The following CDC14B variants were observed in gnomAD, a reference collection of about 807,000 sequenced individuals.
The protein encoded by CDC14B is dual specificity protein phosphatase CDC14B.
In CDC14B, 22 loss-of-function variants were observed where a neutral mutation model predicts 64.2. The observed-to-expected ratio is 0.34, with a 90% confidence interval of 0.24 to 0.49. The LOEUF is 0.49. CDC14B is among the 20% of genes least tolerant of loss of function. The pLI is 0.99. For missense variants in CDC14B, 498 were observed against 629.9 expected (o/e 0.79, Z 2.24); for synonymous variants, 191 against 215.8 (o/e 0.89, Z 1.01).
At chr9:96,542,376 T>C (rs1840184496) in intron 5 of CDC14B, among the ~76,000 whole-genome samples, 1 of 152,226 alleles carries the variant, frequency 6.6e-6, no homozygotes, top group Non-Finnish European at 1.5e-5. Flanking sequence ...CAACCAAGTA[T>C]GACAGAAATA....
intron 7 of CDC14B, among the ~76,000 whole-genome samples, chr9:96,536,478 A>C (rs569807369): frequency 1.3e-5 from 2 of 152,302 alleles, no homozygotes; most frequent in Admixed American, 1.3e-4. Context: ...ATATTCTGTA[A>C]GTTTAAGGTG....
intron 1 of CDC14B, among the ~76,000 whole-genome samples, chr9:96,601,308 C>T (rs1233433235): frequency 1.3e-5 from 2 of 151,996 alleles, no homozygotes; most frequent in African/African-American, 4.8e-5. Flanking sequence ...ACCATCCTGG[C>T]CAACATGGTG....
At position 96,541,863 on chromosome 9, in the gene CDC14B, T is replaced by C. The variant is rs1840107415; in HGVS notation, c.527A>G (p.Tyr176Cys). 3.7e-6 allele frequency: 6 copies of C among 1,609,810 alleles called. No individual in the cohort carries two copies. The highest frequency in any genetic ancestry group is 2.7e-5 in the African/African-American group (2 of 74,882). The change falls in exon 6 of 14, where the codon TAC becomes TGC. Residue 176 changes from tyrosine to cysteine, a missense_variant. Physicochemically the swap from Tyr to Cys is radical, Grantham distance 194. Transcript: ENST00000375241. ...ATGAAAACAGTCAAGAAGTGTAATG[T>C]AGAAATTGCAACTTCCATAGGCAGC... ...RDAAYGSCNF[Y>C]ITLLDCFHAV...
At chr9:96,603,047 T>C (rs780037175) in intron 1 of CDC14B, among the ~76,000 whole-genome samples, 1 of 151,894 alleles carries the variant, frequency 6.6e-6, no homozygotes, top group Non-Finnish European at 1.5e-5. Context: ...AGATCTTCCA[T>C]CTCCCTTTGT....
chr9:96,505,450 AC>A (rs1461822419), intron 13 of CDC14B, among the ~76,000 whole-genome samples: 2 of 152,202 alleles, frequency 1.3e-5, no homozygotes, highest in Non-Finnish European at 2.9e-5. Flanking sequence ...ACAAACACGC[AC>A]CAGCGGAAGG....
intron 9 of CDC14B, among the ~76,000 whole-genome samples, chr9:96,532,584 C>A (rs544155200): frequency 6.6e-6 from 1 of 152,114 alleles, no homozygotes; most frequent in African/African-American, 2.4e-5. Context: ...GGAACTCCCA[C>A]GATCTGTATC....
chr9:96,534,647 G>A (rs901010771), intron 7 of CDC14B, 105 bp from the exon 8 acceptor site: 45 of 717,822 alleles, frequency 6.3e-5, no homozygotes, highest in Admixed American at 5.6e-4. Context: ...TTGCTTTAGC[G>A]GAAAAGCTGT....
In CDC14B at chr9:96,522,226, T is replaced by C. The variant is rs532394285; in HGVS notation, c.1343+280A>G. On this transcript the variant is annotated intron_variant, in intron 12 of 13. Coordinates refer to ENST00000375241, the MANE Select transcript of CDC14B (RefSeq NM_033331.4). ...CTGGCATCCTGGGCTTTACATCTGCTGTCGCGCTCCTGAGGATGCCCCATG... is the reference window on the plus strand; with the variant it reads ...CTGGCATCCTGGGCTTTACATCTGCCGTCGCGCTCCTGAGGATGCCCCATG... Among the ~76,000 whole-genome samples, 21 of 152,336 alleles carry C rather than the reference T, an allele frequency of 1.4e-4. No homozygotes were observed. The East Asian group carries it at 2.9e-3, about 21-fold the overall frequency.
chr9:96,581,807 T>C (rs1845175781), intron 1 of CDC14B, among the ~76,000 whole-genome samples: 1 of 152,140 alleles, frequency 6.6e-6, no homozygotes, highest in African/African-American at 2.4e-5. Context: ...TTCAGTGTGG[T>C]CAAACAACAG....
At chr9:96,581,447 C>T (rs1845143390) in intron 1 of CDC14B, among the ~76,000 whole-genome samples, 1 of 135,270 alleles carries the variant, frequency 7.4e-6, no homozygotes, top group Non-Finnish European at 1.5e-5. Flanking sequence ...CCAGCCTGGG[C>T]GATAGAGACC....
chr9:96,546,471 C>T lies in CDC14B; in HGVS notation c.498-4579G>A, dbSNP rs112265517. Among the ~76,000 whole-genome samples, 992 of 149,604 alleles carry T rather than the reference C, an allele frequency of 6.6e-3. 13 individuals are homozygous for T. The highest frequency in any genetic ancestry group is 0.023 in the African/African-American group (914 of 40,488). ...TTTTTTGCGGGGAGTGGGGTGGGGA[C>T]GGAGTTTCGCTCTTGTCGCCCAGGC... On this transcript the variant is annotated intron_variant, in intron 5 of 13. Coordinates refer to ENST00000375241, the MANE Select transcript of CDC14B (RefSeq NM_033331.4).
chr9:96,518,810 T>TTAC (rs1404554686), intron 12 of CDC14B, among the ~76,000 whole-genome samples: 1 of 152,164 alleles, frequency 6.6e-6, no homozygotes. Context: ...TTATAGATGG[T>TTAC]TACTTTTTCC....
chr9:96,510,827 A>T (rs1023249460), intron 12 of CDC14B, among the ~76,000 whole-genome samples: 4 of 152,144 alleles, frequency 2.6e-5, no homozygotes, highest in Non-Finnish European at 5.9e-5. Flanking sequence ...GCTGGTCTCG[A>T]ACTCCTGATC....
chr9:96,568,160 A>G (rs1360800962), intron 1 of CDC14B, among the ~76,000 whole-genome samples: 1 of 152,190 alleles, frequency 6.6e-6, no homozygotes, highest in Non-Finnish European at 1.5e-5. Context: ...TTTTGCCTCA[A>G]AAGTAAACCT....
At chr9:96,566,090 G>A (rs554192876) in intron 1 of CDC14B, among the ~76,000 whole-genome samples, 128 of 152,278 alleles carry the variant, frequency 8.4e-4, no homozygotes, top group African/African-American at 3.0e-3. Flanking sequence ...TGCATGATGG[G>A]TCTGAGATGA....
At chr9:96,565,746 A>C (rs1843819973) in intron 1 of CDC14B, among the ~76,000 whole-genome samples, 1 of 152,212 alleles carries the variant, frequency 6.6e-6, no homozygotes, top group Admixed American at 6.5e-5. Context: ...CTTCTAAACA[A>C]ACCTATTTTT....
At position 96,503,661 on chromosome 9, in the gene CDC14B, T is replaced by C; in HGVS notation, c.*92A>G. ...TTAGGTGGAAAAAGCAACTAAGGCT[T>C]TTGCAATTTTGTTTTGTTTTCAAAT... On this transcript the variant is annotated 3_prime_UTR_variant, in exon 14 of 14. Coordinates refer to ENST00000375241, the MANE Select transcript of CDC14B (RefSeq NM_033331.4). 8.6e-7 allele frequency: 1 copy of C among 1,156,974 alleles called. No individual in the cohort carries two copies. The highest frequency in any genetic ancestry group is 1.3e-6 in the Non-Finnish European group (1 of 779,506). 71.7% of individuals were successfully genotyped at this position (1,156,974 alleles called of 1,614,324 possible).
intron 1 of CDC14B, among the ~76,000 whole-genome samples, chr9:96,579,584 CAAA>C (rs547800275): frequency 3.2e-5 from 3 of 94,628 alleles, no homozygotes; most frequent in Non-Finnish European, 4.4e-5. Context: ...GACTCTGTCT[CAAA>C]AAAAAAAAAA....
At position 96,585,884 on chromosome 9, in the gene CDC14B, C is replaced by T. The variant is rs143379840; in HGVS notation, c.161-20401G>A. Among the ~76,000 whole-genome samples, 44 of 152,252 alleles carry T rather than the reference C, an allele frequency of 2.9e-4. 1 individual carries two copies. Among genetic ancestry groups the T allele is most frequent in the Non-Finnish European group, 2.6e-4 (18 of 68,032 alleles). Reference sequence around the variant, plus strand: ...GTACATCAATAAGACAATGGATAGACCGCATATATTCATACAAGGGAACAC... The same window carrying T: ...GTACATCAATAAGACAATGGATAGATCGCATATATTCATACAAGGGAACAC... On this transcript the variant is annotated intron_variant, in intron 1 of 13. Transcript: ENST00000375241.
Sources: allele counts gnomAD v4.1 joint callset (sites outside exome capture counted in the v4.1 genomes callset), GRCh38; gene constraint gnomAD v4.1.1; transcripts MANE v1.5; gene names NCBI Gene and HGNC (gene_info 2026-07-23, HGNC 2026-07-21).